The following BIN1 variants were observed in gnomAD, a reference collection of about 807,000 sequenced individuals.
BIN1 encodes the protein bridging integrator 1, also known as myc box-dependent-interacting protein 1.
BIN1 carries 53 observed loss-of-function variants against 82.0 expected under a neutral mutation model. The observed-to-expected ratio is 0.65, with a 90% CI of 0.52 to 0.81. BIN1 has a LOEUF of 0.81. BIN1 is among the 40% of genes least tolerant of loss of function. The probability of loss-of-function intolerance (pLI) is 0.00; values close to 1 mark genes in which losing one functional copy is unlikely to be tolerated. For missense variants in BIN1, 642 were observed against 784.4 expected (o/e 0.82, Z 2.17); for synonymous variants, 302 against 328.0 (o/e 0.92, Z 0.86).
chr2:127,076,756 G>A (rs1161748755), intron 1 of BIN1, 50 bp from the exon 2 acceptor site: 1 of 1,605,002 alleles, frequency 6.2e-7, no homozygotes, highest in African/African-American at 1.3e-5. Flanking sequence ...AAAGGAGAGT[G>A]GTCAAACCAA....
At chr2:127,088,701 T>C (rs943012258) in intron 1 of BIN1, among the ~76,000 whole-genome samples, 1 of 149,972 alleles carries the variant, frequency 6.7e-6, no homozygotes, top group African/African-American at 2.5e-5. Flanking sequence ...ACCGCACCAC[T>C]GCACTCCAGC....
chr2:127,096,371 C>T (rs1466980783), intron 1 of BIN1, among the ~76,000 whole-genome samples: 1 of 152,184 alleles, frequency 6.6e-6, no homozygotes, highest in Non-Finnish European at 1.5e-5. Flanking sequence ...GAATGACGCC[C>T]GTGGGCTGTC....
At position 127,052,268 on chromosome 2, in the gene BIN1, G is replaced by T; in HGVS notation, c.1358C>A (p.Pro453Gln). The T allele has an allele frequency of 6.3e-7, 1 of 1,575,138 alleles. No homozygotes were observed. Among genetic ancestry groups the T allele is most frequent in the Admixed American group, 1.8e-5 (1 of 54,786 alleles). The change falls in exon 15 of 19, where the codon CCG becomes CAG. Residue 453 changes from proline (P) to glutamine (Q), a missense_variant. By Grantham distance (76) the Pro-to-Gln change is moderately conservative. Transcript: ENST00000316724. ...AVSWPSQTAE[P>Q]GPAQPAEASE... Reference sequence around the variant, plus strand: ...GTGGGCACTTACTTGGGCAGGCCCCGGCTCGGCCGTCTGGCTGGGCCAGGA... The same window carrying T: ...GTGGGCACTTACTTGGGCAGGCCCCTGCTCGGCCGTCTGGCTGGGCCAGGA...
chr2:127,064,068 C>G, intron 7 of BIN1, 50 bp from the exon 8 acceptor site: 1 of 1,608,198 alleles, frequency 6.2e-7, no homozygotes, highest in South Asian at 1.1e-5. Context: ...CCAGCCAGCC[C>G]AGCCCCATGG....
chr2:127,050,590 T>C lies in BIN1; in HGVS notation c.1573-68A>G, dbSNP rs973823531. On this transcript the variant is annotated intron_variant, in intron 17 of 18. Coordinates refer to ENST00000316724, the MANE Select transcript of BIN1 (RefSeq NM_139343.3). ...TCCAGCCCTGCACAGAGCACGGGCCTTGCGTGTGGGAGGTGCAGGTGGCAG... is the reference window on the plus strand; with the variant it reads ...TCCAGCCCTGCACAGAGCACGGGCCCTGCGTGTGGGAGGTGCAGGTGGCAG... The C allele has an allele frequency of 2.6e-6, 4 of 1,561,718 alleles. No homozygotes were observed. The African/African-American group carries it at 5.4e-5, about 21-fold the overall frequency.
At chr2:127,099,794 G>A (rs577485465) in intron 1 of BIN1, among the ~76,000 whole-genome samples, 2 of 150,336 alleles carry the variant, frequency 1.3e-5, no homozygotes, top group Non-Finnish European at 2.9e-5. Context: ...TTACAGGCGT[G>A]AGCCACTGCG....
At chr2:127,091,778 T>C (rs1678960818) in intron 1 of BIN1, among the ~76,000 whole-genome samples, 1 of 151,920 alleles carries the variant, frequency 6.6e-6, no homozygotes, top group African/African-American at 2.4e-5. Context: ...ACACCTGTGG[T>C]CCCAGATACC....
Position 127,068,094 on chromosome 2 carries a change from C to T in BIN1, c.612+69G>A, listed in dbSNP as rs113309073. On this transcript the variant is annotated intron_variant, in intron 7 of 18. Coordinates refer to ENST00000316724, the MANE Select transcript of BIN1 (RefSeq NM_139343.3). This position sits in a 1 kb window ranked among gnomAD's most constrained non-coding sequence, Gnocchi z 4.9. The stretch of plus-strand genomic sequence containing the variant: ...CTCAGATGCCAGCCCTGCATTCCAC[C>T]GCAGGGCGAGAGGACAGGACGACAG... 8.9e-5 allele frequency: 131 copies of T among 1,478,700 alleles called. No individual in the cohort carries two copies. The highest frequency in any genetic ancestry group is 3.9e-4 in the African/African-American group (28 of 71,920). The allele number at this position is 1,478,700 out of a possible 1,614,324, so 91.6% of individuals were successfully genotyped here.
Position 127,090,241 on chromosome 2 carries a change from A to T in BIN1, c.85-13535T>A, listed in dbSNP as rs150479184. On this transcript the variant is annotated intron_variant, in intron 1 of 18. Transcript: ENST00000316724. The surrounding 1 kb of genome is among the most constrained non-coding windows in gnomAD (Gnocchi z 6.4). The stretch of plus-strand genomic sequence containing the variant: ...ACAAGAGGCCCCATGGAAATCAACC[A>T]AACAGCTGAAGACAGTGGCCATCGC... 2.7e-3 allele frequency among the ~76,000 whole-genome samples: 416 copies of T among 152,308 alleles called. 4 individuals carry two copies. Among genetic ancestry groups the T allele is most frequent in the African/African-American group, 9.6e-3 (401 of 41,566 alleles).
rs139896268 is a variant in BIN1 at position 127,059,580 on chromosome 2, G to A, written c.858-425C>T. Among the ~76,000 whole-genome samples the A allele has an allele frequency of 1.7e-3, 262 of 152,188 alleles. No homozygotes were observed. Among genetic ancestry groups the A allele is most frequent in the South Asian group, 5.8e-3 (28 of 4,820 alleles). On this transcript the variant is annotated intron_variant, in intron 10 of 18. Coordinates refer to ENST00000316724, the MANE Select transcript of BIN1 (RefSeq NM_139343.3). This position sits in a 1 kb window ranked among gnomAD's most constrained non-coding sequence, Gnocchi z 6.7. ...GCACAGTGAGTCTCCCACACCACACGCAGCAGCCCCTCTGTTCTGGGGTCT... is the reference window on the plus strand; with the variant it reads ...GCACAGTGAGTCTCCCACACCACACACAGCAGCCCCTCTGTTCTGGGGTCT...
At chr2:127,058,890 A>C in intron 11 of BIN1, 121 bp downstream of exon 11, 5 of 1,428,890 alleles carry the variant, frequency 3.5e-6, no homozygotes, top group Non-Finnish European at 4.7e-6. Flanking sequence ...TGGGCAAAGC[A>C]TCGGGTCCAT....
At chr2:127,062,562 A>G (rs1255473555) in intron 9 of BIN1, among the ~76,000 whole-genome samples, 1 of 152,230 alleles carries the variant, frequency 6.6e-6, no homozygotes, top group East Asian at 1.9e-4. Flanking sequence ...AGATGCTTTC[A>G]GACCACACTA....
chr2:127,105,471 CCTCCT>C (rs376894613), intron 1 of BIN1, among the ~76,000 whole-genome samples: 54,701 of 142,642 alleles, frequency 0.38, 10,374 homozygotes, highest in African/African-American at 0.47. Context: ...TTTAATCCCT[CCTCCT>C]CCTCCTCCTC....
intron 1 of BIN1, among the ~76,000 whole-genome samples, chr2:127,103,517 G>C (rs556700328): frequency 2.0e-5 from 3 of 152,040 alleles, no homozygotes; most frequent in Admixed American, 6.5e-5. Context: ...AGGACCTGCC[G>C]GGAGGGAGGG....
intron 1 of BIN1, among the ~76,000 whole-genome samples, chr2:127,094,119 A>G (rs947874619): frequency 7.9e-5 from 12 of 152,178 alleles, no homozygotes; most frequent in African/African-American, 2.7e-4. Context: ...CAACCCTCCC[A>G]CACAGGATAC....
At chr2:127,076,838 C>G in intron 1 of BIN1, 132 bp from the exon 2 acceptor site, 2 of 993,344 alleles carry the variant, frequency 2.0e-6, no homozygotes, top group Non-Finnish European at 3.1e-6. Context: ...GCCCAGGGTG[C>G]CCACCCAGGG....
At chr2:127,100,370 T>C (rs734115) in intron 1 of BIN1, among the ~76,000 whole-genome samples, 89,311 of 151,964 alleles carry the variant, frequency 0.59, 26,493 homozygotes, top group Middle Eastern at 0.64. Context: ...ACAATGACAC[T>C]CCTTCACCAT....
At position 127,050,649 on chromosome 2, in the gene BIN1, C is replaced by G; in HGVS notation, c.1573-127G>C. On this transcript the variant is annotated intron_variant, in intron 17 of 18. Coordinates refer to ENST00000316724, the MANE Select transcript of BIN1 (RefSeq NM_139343.3). ...CCAGGAGTGCTCAAAAGCAGCAGGA[C>G]AGTATGGGGCTCAGATGCCACCTTG... 2.2e-6 allele frequency: 3 copies of G among 1,336,840 alleles called. No individual in the cohort carries two copies. The South Asian group carries it at 3.6e-5, about 16-fold the overall frequency. 82.8% of individuals were successfully genotyped at this position (1,336,840 alleles called of 1,614,324 possible).
In BIN1 at chr2:127,058,089, G is replaced by A. The variant is rs777563090; in HGVS notation, c.1003-488C>T. Among the ~76,000 whole-genome samples, 39 of 152,304 alleles carry A rather than the reference G, an allele frequency of 2.6e-4. No individual in the cohort carries two copies. In the Middle Eastern group the frequency reaches 0.01, roughly 40 times the overall value. On this transcript the variant is annotated intron_variant, in intron 11 of 18. Coordinates refer to ENST00000316724, the MANE Select transcript of BIN1 (RefSeq NM_139343.3). Reference sequence around the variant, plus strand: ...GGCTGCCCACAGGGAGCCCAGCTCAGACGAGTGTATCCCAGAGGAAGCCAG... The same window carrying A: ...GGCTGCCCACAGGGAGCCCAGCTCAAACGAGTGTATCCCAGAGGAAGCCAG...
Sources: gnomAD v4.1 joint callset for allele counts (sites outside exome capture counted in the v4.1 genomes callset) on GRCh38, gnomAD v4.1.1 for gene constraint, Gnocchi (gnomAD v3.1) non-coding constraint, MANE v1.5 for transcripts, NCBI Gene and HGNC (gene_info 2026-07-23, HGNC 2026-07-21) for gene names.